The following TMEM64 variants were observed in gnomAD, a reference collection of about 807,000 sequenced individuals.
TMEM64 encodes the protein transmembrane protein 64.
In TMEM64, 19 loss-of-function variants were observed where a neutral mutation model predicts 24.5. The observed-to-expected ratio is 0.78, with a 90% CI of 0.54 to 1.14. The LOEUF (loss-of-function observed/expected upper bound fraction) is 1.14, where lower values mean the gene tolerates loss of function less well. Ranked by LOEUF, TMEM64 falls within the 50% of genes most tolerant of loss-of-function variation. The pLI is 0.00. For synonymous variants in TMEM64, 262 were observed against 224.7 expected (o/e 1.17, Z -1.49); for missense variants, 487 against 493.0 (o/e 0.99, Z 0.12).
In TMEM64 at chr8:90,625,729, G is replaced by C; in HGVS notation, c.1085C>G (p.Ser362Cys). ...VKGNQPNTSG[S>C]SFYNKRTLTF... ...TAGGGTCCTCTTGTTGTAGAATGAA[G>C]AGCCACTGGTATTTGGTTGATTGCC... Residue 362 changes from serine to cysteine, a missense_variant, in exon 3 of 3, where the codon TCT (serine) becomes TGT (cysteine). Coordinates refer to ENST00000458549, the MANE Select transcript of TMEM64 (RefSeq NM_001008495.4). 1 of 1,613,906 alleles carries C rather than the reference G, an allele frequency of 6.2e-7. No homozygotes were observed. The highest frequency in any genetic ancestry group is 2.2e-5 in the East Asian group (1 of 44,826).
Position 90,622,522 on chromosome 8 carries a change from A to C in TMEM64, c.*3149T>G, listed in dbSNP as rs773134864. The C allele has an allele frequency of 6.6e-6, 1 of 152,222 alleles. No individual in the cohort carries two copies. The highest frequency in any genetic ancestry group is 2.4e-5 in the African/African-American group (1 of 41,450). 9.4% of individuals were successfully genotyped at this position (152,222 alleles called of 1,614,324 possible). ...GAACAGCATGGATTTACCTGCACCAATGTGGCACACACCTAGCAACTTTCT... is the reference window on the plus strand; with the variant it reads ...GAACAGCATGGATTTACCTGCACCACTGTGGCACACACCTAGCAACTTTCT... On this transcript the variant is annotated 3_prime_UTR_variant, in exon 3 of 3. Transcript: ENST00000458549.
chr8:90,633,651 C>T (rs557490313), intron 1 of TMEM64, among the ~76,000 whole-genome samples: 32 of 152,198 alleles, frequency 2.1e-4, no homozygotes, highest in Non-Finnish European at 4.3e-4. Context: ...GTATGTGATA[C>T]ATGAATGTGT....
At chr8:90,638,228 T>A (rs1809551354) in intron 1 of TMEM64, among the ~76,000 whole-genome samples, 1 of 152,198 alleles carries the variant, frequency 6.6e-6, no homozygotes, top group African/African-American at 2.4e-5. Context: ...TCTGAGCATT[T>A]CATGCACCCT....
intron 1 of TMEM64, among the ~76,000 whole-genome samples, chr8:90,634,195 A>G (rs745500382): frequency 6.6e-6 from 1 of 152,144 alleles, no homozygotes; most frequent in African/African-American, 2.4e-5. Context: ...CCAGTAGCCA[A>G]TTTTCCCAGC....
chr8:90,629,861 T>C (rs1319094337), intron 2 of TMEM64, among the ~76,000 whole-genome samples: 2 of 152,180 alleles, frequency 1.3e-5, no homozygotes, highest in East Asian at 3.8e-4. Flanking sequence ...AATGTAAATA[T>C]TCATGGTTTT....
chr8:90,645,966 G>T lies in TMEM64; in HGVS notation c.-61C>A. 1 of 969,634 alleles carries T rather than the reference G, an allele frequency of 1.0e-6. No homozygotes were observed. The highest frequency in any genetic ancestry group is 1.3e-6 in the Non-Finnish European group (1 of 787,468). 60.1% of individuals were successfully genotyped at this position (969,634 alleles called of 1,614,324 possible). On this transcript the variant is annotated 5_prime_UTR_variant, in exon 1 of 3. In the 5' UTR this introduces an upstream ATG that the reference lacks. Coordinates refer to ENST00000458549, the MANE Select transcript of TMEM64 (RefSeq NM_001008495.4). The surrounding 1 kb of genome is among the most constrained non-coding windows in gnomAD (Gnocchi z 4.2). ...CCTCCGCCGCGGCGCCCGTTAGGCA[G>T]CTGCCCTTCATGGCGCCCGGTTCGC...
intron 2 of TMEM64, among the ~76,000 whole-genome samples, chr8:90,629,917 C>T (rs1239028267): frequency 6.6e-6 from 1 of 152,112 alleles, no homozygotes; most frequent in Non-Finnish European, 1.5e-5. Flanking sequence ...AGAAAATTAA[C>T]TCTGGCTTTA....
intron 1 of TMEM64, among the ~76,000 whole-genome samples, chr8:90,638,174 T>G (rs1050387591): frequency 2.6e-5 from 4 of 152,028 alleles, no homozygotes; most frequent in African/African-American, 9.7e-5. Flanking sequence ...TCCCTCCTAC[T>G]GCCATGAGGT....
At chr8:90,642,599 C>A (rs1809620770) in intron 1 of TMEM64, among the ~76,000 whole-genome samples, 2 of 152,162 alleles carry the variant, frequency 1.3e-5, no homozygotes, top group African/African-American at 4.8e-5. Flanking sequence ...CCAACATCAG[C>A]CTTAACTAAG....
At chr8:90,625,923 C>A in intron 2 of TMEM64, 61 bp from the exon 3 acceptor site, 2 of 1,300,324 alleles carry the variant, frequency 1.5e-6, no homozygotes, top group Non-Finnish European at 1.0e-6. Flanking sequence ...AGAAATAAAT[C>A]CAATAAATAT....
chr8:90,633,324 C>G (rs1411721637), intron 1 of TMEM64, among the ~76,000 whole-genome samples: 15 of 152,296 alleles, frequency 9.8e-5, no homozygotes, highest in Non-Finnish European at 2.9e-5. Flanking sequence ...AATAGCCAGT[C>G]AATAGCCTGG....
At position 90,626,617 on chromosome 8, in the gene TMEM64, T is replaced by A. The variant is rs1284628821; in HGVS notation, c.952-755A>T. Among the ~76,000 whole-genome samples, 4 of 128,006 alleles carry A rather than the reference T, an allele frequency of 3.1e-5. No individual in the cohort carries two copies. The East Asian group carries it at 8.5e-4, about 27-fold the overall frequency. 84.0% of individuals were successfully genotyped at this position (128,006 alleles called of 152,430 possible). ...TAGGAAGCTGTGGTCCCTCTGTACTTTTTTTTTCTTTCTTTTTTTTTTTTT... is the reference window on the plus strand; with the variant it reads ...TAGGAAGCTGTGGTCCCTCTGTACTATTTTTTTCTTTCTTTTTTTTTTTTT... On this transcript the variant is annotated intron_variant, in intron 2 of 2. Coordinates refer to ENST00000458549, the MANE Select transcript of TMEM64 (RefSeq NM_001008495.4).
Position 90,645,374 on chromosome 8 carries a change from A to T in TMEM64, c.532T>A (p.Tyr178Asn). 3.2e-6 allele frequency: 5 copies of T among 1,552,116 alleles called. No individual in the cohort carries two copies. The highest frequency in any genetic ancestry group is 4.4e-6 in the Non-Finnish European group (5 of 1,147,198). The part of the protein sequence containing the change: ...IVVSFPCGWG[Y>N]IVLNVAAGYL... The stretch of plus-strand genomic sequence containing the variant: ...CCAGCGGCCACGTTGAGCACGATGT[A>T]GCCCCAGCCGCAGGGGAAAGAGACC... Residue 178 changes from tyrosine (Y) to asparagine (N), a missense_variant, in exon 1 of 3, where the codon TAC becomes AAC. By Grantham distance (143) the Tyr-to-Asn change is moderately radical. Around this residue, in one of 3 missense-constraint regions of TMEM64, gnomAD observed 419 missense variants for 407.5 expected, o/e 1.03. Coordinates refer to ENST00000458549, the MANE Select transcript of TMEM64 (RefSeq NM_001008495.4). The surrounding 1 kb of genome is among the most constrained non-coding windows in gnomAD (Gnocchi z 4.2).
At chr8:90,629,794 C>T (rs889386987) in intron 2 of TMEM64, among the ~76,000 whole-genome samples, 3 of 151,908 alleles carry the variant, frequency 2.0e-5, no homozygotes, top group African/African-American at 7.2e-5. Flanking sequence ...AAAAATATTA[C>T]AAAATTTTTC....
At chr8:90,629,511 C>CA (rs963076752) in intron 2 of TMEM64, among the ~76,000 whole-genome samples, 43 of 151,504 alleles carry the variant, frequency 2.8e-4, no homozygotes, top group Middle Eastern at 3.4e-3. Context: ...CAGGAAACTA[C>CA]AAAAAAAATG....
At chr8:90,625,962 C>T in intron 2 of TMEM64, 100 bp from the exon 3 acceptor site, 1 of 826,164 alleles carries the variant, frequency 1.2e-6, no homozygotes, top group Non-Finnish European at 1.8e-6. Context: ...AAACAGGGTG[C>T]TTCTCAAAGA....
intron 1 of TMEM64, among the ~76,000 whole-genome samples, chr8:90,634,850 C>T (rs980730027): frequency 5.7e-4 from 87 of 152,190 alleles, no homozygotes; most frequent in Non-Finnish European, 1.3e-4. Context: ...AAATCTGATA[C>T]TTTAATCAGC....
At chr8:90,629,898 T>C (rs1809412919) in intron 2 of TMEM64, among the ~76,000 whole-genome samples, 1 of 152,172 alleles carries the variant, frequency 6.6e-6, no homozygotes, top group African/African-American at 2.4e-5. Context: ...TTGTACCTCA[T>C]AAGCGCAAAG....
intron 1 of TMEM64, among the ~76,000 whole-genome samples, chr8:90,633,397 G>A (rs942648959): frequency 1.3e-5 from 2 of 152,224 alleles, no homozygotes; most frequent in East Asian, 1.9e-4. Flanking sequence ...CTTGATTGCA[G>A]CATTGTGAGG....
Sources: gnomAD v4.1 joint callset for allele counts (sites outside exome capture counted in the v4.1 genomes callset) on GRCh38, gnomAD v4.1.1 for gene constraint, gnomAD v4.1.1 regional missense constraint, Gnocchi (gnomAD v3.1) non-coding constraint, MANE v1.5 for transcripts, NCBI Gene and HGNC (gene_info 2026-07-23, HGNC 2026-07-21) for gene names.